Variants in GRK5 observed in about 807,000 individuals in gnomAD.
The protein encoded by GRK5 is G protein-coupled receptor kinase 5.
In GRK5, 40 loss-of-function variants were observed where a neutral mutation model predicts 78.4. That is an observed-to-expected ratio of 0.51 (90% CI 0.40 to 0.66). The LOEUF (loss-of-function observed/expected upper bound fraction) is 0.66. Ranked by LOEUF, GRK5 falls within the 30% of genes least tolerant of loss-of-function variation. The pLI is 0.00. For missense variants in GRK5, 598 were observed against 759.9 expected, an observed-to-expected ratio of 0.79 and a Z score of 2.50; for synonymous variants, 289 against 296.8, an observed-to-expected ratio of 0.97 and a Z score of 0.27.
rs973132159 is a variant in GRK5 at position 119,456,129 on chromosome 10, G to C, written c.*1062G>C. On this transcript the variant is annotated 3_prime_UTR_variant, in exon 16 of 16. Transcript: ENST00000392870. This position sits in a 1 kb window ranked among gnomAD's most constrained non-coding sequence, Gnocchi z 5.5. The stretch of plus-strand genomic sequence containing the variant: ...AGCAGCGTCGTGTCTGTAGCGGGGA[G>C]GGAGGCTGGCCCAGGGGCCCGGCAT... 2 of 152,106 alleles carry C rather than the reference G, an allele frequency of 1.3e-5. No individual in the cohort carries two copies. Among genetic ancestry groups the C allele is most frequent in the African/African-American group, 4.8e-5 (2 of 41,332 alleles). The allele number at this position is 152,106 out of a possible 1,614,324, so 9.4% of individuals were successfully genotyped here.
At chr10:119,323,151 G>C (rs1192064423) in intron 1 of GRK5, among the ~76,000 whole-genome samples, 1 of 152,204 alleles carries the variant, frequency 6.6e-6, no homozygotes, top group Non-Finnish European at 1.5e-5. Context: ...GGAGGAAGGA[G>C]GGAATGGGAG....
At chr10:119,443,519 CCT>C in intron 11 of GRK5, 23 bp from the exon 12 acceptor site, 2 of 1,584,794 alleles carry the variant, frequency 1.3e-6, no homozygotes, top group Non-Finnish European at 1.7e-6. Context: ...CCTCCTCACT[CCT>C]CTCTCCTCTC....
intron 4 of GRK5, among the ~76,000 whole-genome samples, chr10:119,410,319 C>G (rs10437461): frequency 0.27 from 40,721 of 152,058 alleles, 5,665 homozygotes; most frequent in East Asian, 0.42. Flanking sequence ...AAGATATCTT[C>G]CCTCGCTTCC....
intron 3 of GRK5, among the ~76,000 whole-genome samples, chr10:119,388,785 T>C (rs1851839231): frequency 6.6e-6 from 1 of 152,248 alleles, no homozygotes; most frequent in Non-Finnish European, 1.5e-5. Context: ...AGAAGTTGGC[T>C]GGGCTGCAGT....
At position 119,267,025 on chromosome 10, in the gene GRK5, C is replaced by G. The variant is rs1849509282; in HGVS notation, c.52+59056C>G. ...TTGGGAGGCCGAGGTGCGCGGATCA[C>G]CTGAGGTCGGGAGTTCTAACCAGCC... On this transcript the variant is annotated intron_variant, in intron 1 of 15. Transcript: ENST00000392870. This position sits in a 1 kb window ranked among gnomAD's most constrained non-coding sequence, Gnocchi z 4.1. Among the ~76,000 whole-genome samples, 1 of 152,084 alleles carries G rather than the reference C, an allele frequency of 6.6e-6. No homozygotes were observed. The highest frequency in any genetic ancestry group is 2.4e-5 in the African/African-American group (1 of 41,440).
At chr10:119,311,464 G>C (rs930708578) in intron 1 of GRK5, among the ~76,000 whole-genome samples, 2 of 152,106 alleles carry the variant, frequency 1.3e-5, no homozygotes, top group Non-Finnish European at 2.9e-5. Context: ...GATGGGGGCA[G>C]TGGGTGGGGG....
chr10:119,382,314 G>A (rs982186989), intron 3 of GRK5, among the ~76,000 whole-genome samples: 1 of 152,060 alleles, frequency 6.6e-6, no homozygotes, highest in African/African-American at 2.4e-5. Context: ...TTAGCTGGGC[G>A]TTAGAAACAC....
At chr10:119,218,074 T>TTGTGTGTGTGTGTGTGTGTGTG (rs59742803) in intron 1 of GRK5, among the ~76,000 whole-genome samples, 96 of 146,576 alleles carry the variant, frequency 6.5e-4, no homozygotes, top group Admixed American at 4.8e-3. Context: ...GTCAACCCGT[T>TTGTGTGTGTGTGTGTGTGTGTG]TGTGTGTGTG....
At chr10:119,376,885 ACATAAAGCAGCCTCTTT>A (rs1306817444) in intron 2 of GRK5, among the ~76,000 whole-genome samples, 1 of 152,188 alleles carries the variant, frequency 6.6e-6, no homozygotes, top group Non-Finnish European at 1.5e-5. Context: ...CAAATGTCTT[ACATAAAGCAGCCTCTTT>A]CTGGCTTGGA....
At chr10:119,443,079 T>C (rs1853070921) in intron 11 of GRK5, among the ~76,000 whole-genome samples, 2 of 152,258 alleles carry the variant, frequency 1.3e-5, no homozygotes. Flanking sequence ...GTGCTGATGC[T>C]GCAGAACTAT....
At chr10:119,432,978 T>C (rs2133897101) in intron 8 of GRK5, among the ~76,000 whole-genome samples, 1 of 152,088 alleles carries the variant, frequency 6.6e-6, no homozygotes, top group East Asian at 1.9e-4. Context: ...GGCTGAGGCA[T>C]GAGAATCACT....
chr10:119,428,293 C>T (rs1207825096), intron 6 of GRK5, among the ~76,000 whole-genome samples: 1 of 152,240 alleles, frequency 6.6e-6, no homozygotes, highest in African/African-American at 2.4e-5. Flanking sequence ...CCTCAGCGTT[C>T]TCATCTGCAG....
At chr10:119,437,683 TTAA>T (rs1296819838) in intron 9 of GRK5, among the ~76,000 whole-genome samples, 1 of 152,168 alleles carries the variant, frequency 6.6e-6, no homozygotes, top group Non-Finnish European at 1.5e-5. Flanking sequence ...CCCCAGAATG[TTAA>T]TAATATATTT....
chr10:119,234,735 C>G (rs1411128636), intron 1 of GRK5, among the ~76,000 whole-genome samples: 3 of 151,930 alleles, frequency 2.0e-5, no homozygotes, highest in Admixed American at 6.6e-5. Context: ...CTCTGTCACC[C>G]AGGCTGGAGT....
chr10:119,318,464 A>G (rs1306924189), intron 1 of GRK5, among the ~76,000 whole-genome samples: 1 of 152,158 alleles, frequency 6.6e-6, no homozygotes, highest in Non-Finnish European at 1.5e-5. Flanking sequence ...TGGTATGTGA[A>G]CCTGTTGGGC....
rs150235101 is a variant in GRK5, at chr10:119,208,199, T to C, written c.52+230T>C. ...GGTTGCAGGGATTTGGATGCTAACA[T>C]ATCTCCTAGTTTCCAGCGCTCGCCC... On this transcript the variant is annotated intron_variant, in intron 1 of 15. Transcript: ENST00000392870. Among the ~76,000 whole-genome samples, 210 of 152,358 alleles carry C rather than the reference T, an allele frequency of 1.4e-3. 3 individuals carry two copies. In the South Asian group the frequency reaches 0.018, roughly 13 times the overall value.
chr10:119,426,011 G>A (rs982638937), intron 6 of GRK5, among the ~76,000 whole-genome samples: 3 of 152,216 alleles, frequency 2.0e-5, no homozygotes, highest in Non-Finnish European at 4.4e-5. Flanking sequence ...ATGCCGGGCC[G>A]AGCTGGTAGA....
At chr10:119,325,783 G>A (rs760940205) in intron 1 of GRK5, among the ~76,000 whole-genome samples, 5 of 152,228 alleles carry the variant, frequency 3.3e-5, no homozygotes, top group Non-Finnish European at 5.9e-5. Context: ...CAAGGATGAC[G>A]GGAACACCTG....
Position 119,456,431 on chromosome 10 carries a change from C to G in GRK5, c.*1364C>G, listed in dbSNP as rs1434514633. 6.6e-6 allele frequency: 1 copy of G among 152,248 alleles called. No individual in the cohort carries two copies. The highest frequency in any genetic ancestry group is 1.5e-5 in the Non-Finnish European group (1 of 68,058). The allele number at this position is 152,248 out of a possible 1,614,324, so 9.4% of individuals were successfully genotyped here. The stretch of plus-strand genomic sequence containing the variant: ...GAAGGCAGCCCCCAGACCCTTGTAG[C>G]AGGGCTGTCCATCCCCAGGGAGCAG... On this transcript the variant is annotated 3_prime_UTR_variant, in exon 16 of 16. Transcript: ENST00000392870. This position sits in a 1 kb window ranked among gnomAD's most constrained non-coding sequence, Gnocchi z 5.5.
Sources: allele counts gnomAD v4.1 joint callset (sites outside exome capture counted in the v4.1 genomes callset), GRCh38; gene constraint gnomAD v4.1.1; non-coding constraint Gnocchi (gnomAD v3.1); transcripts MANE v1.5; gene names NCBI Gene and HGNC (gene_info 2026-07-23, HGNC 2026-07-21).